NCKIPSD: variants seen among roughly 807,000 people sequenced by gnomAD.
NCKIPSD encodes NCK interacting protein with SH3 domain.
Under a neutral mutation model 73.4 loss-of-function variants are expected in NCKIPSD, and 48 were observed. The ratio of observed to expected loss-of-function variants is 0.65; its 90% CI spans 0.52 to 0.83. The LOEUF (loss-of-function observed/expected upper bound fraction) is 0.83. Ranked by LOEUF, NCKIPSD falls within the 40% of genes least tolerant of loss-of-function variation. NCKIPSD has a pLI of 0.00. For synonymous variants in NCKIPSD, 422 were observed against 403.6 expected, an observed-to-expected ratio of 1.05 and a Z score of -0.54; for missense variants, 884 against 970.2, an observed-to-expected ratio of 0.91 and a Z score of 1.18.
chr3:48,682,261 C>T lies in NCKIPSD; in HGVS notation c.486+87G>A, dbSNP rs1378440008. 4.4e-6 allele frequency: 7 copies of T among 1,581,538 alleles called. No homozygotes were observed. In the African/African-American group the frequency reaches 8.1e-5, roughly 18 times the overall value. ...TGGGCAGGACTATGGCTCTGGGCCGCATCACTCCTGAGTGGACCCCTTGAG... is the reference window on the plus strand; with the variant it reads ...TGGGCAGGACTATGGCTCTGGGCCGTATCACTCCTGAGTGGACCCCTTGAG... On this transcript the variant is annotated intron_variant, in intron 3 of 12. Transcript: ENST00000294129.
chr3:48,677,279 T>C (rs940575272), intron 12 of NCKIPSD, among the ~76,000 whole-genome samples: 4 of 151,682 alleles, frequency 2.6e-5, no homozygotes, highest in African/African-American at 7.3e-5. Flanking sequence ...TCCCAGCAAC[T>C]TGGGAGGCTG....
At chr3:48,680,779 C>T (rs577646809) in intron 5 of NCKIPSD, among the ~76,000 whole-genome samples, 2 of 152,250 alleles carry the variant, frequency 1.3e-5, no homozygotes, top group African/African-American at 4.8e-5. Flanking sequence ...AAGGATCCCA[C>T]CCATCCCATG....
Position 48,674,441 on chromosome 3 carries a change from C to T in NCKIPSD, c.*103G>A. 1 of 1,486,390 alleles carries T rather than the reference C, an allele frequency of 6.7e-7. No homozygotes were observed. The highest frequency in any genetic ancestry group is 9.0e-7 in the Non-Finnish European group (1 of 1,117,286). The allele number at this position is 1,486,390 out of a possible 1,614,324, so 92.1% of individuals were successfully genotyped here. On this transcript the variant is annotated 3_prime_UTR_variant, in exon 13 of 13. Transcript: ENST00000294129. ...GGGGTCCTGCTCAGGTTCCTTCTGC[C>T]ACCTTATCCCCTCCCACTGTCAGTG...
chr3:48,679,309 C>A (rs2077307979), intron 9 of NCKIPSD, 68 bp downstream of exon 9: 1 of 1,589,836 alleles, frequency 6.3e-7, no homozygotes, highest in Non-Finnish European at 8.6e-7. Flanking sequence ...GTCAGCAGGT[C>A]CCAGGCCCTC....
Position 48,673,915 on chromosome 3 carries a change from C to A in NCKIPSD, c.*629G>T. The A allele has an allele frequency of 5.7e-6, 6 of 1,060,808 alleles. No individual in the cohort carries two copies. The highest frequency in any genetic ancestry group is 5.7e-6 in the Non-Finnish European group (5 of 876,212). 65.7% of individuals were successfully genotyped at this position (1,060,808 alleles called of 1,614,324 possible). A position where few individuals can be genotyped will look rare whatever the true frequency, so the allele number is the denominator to read the frequency against. ...AGGAAAATACACATGGCTTTTCAGT[C>A]TACATTTTTACAGAGAAAAGAGATT... On this transcript the variant is annotated 3_prime_UTR_variant, in exon 13 of 13. Transcript: ENST00000294129.
intron 2 of NCKIPSD, 96 bp from the exon 3 acceptor site, chr3:48,682,648 C>G: frequency 7.2e-7 from 1 of 1,387,992 alleles, no homozygotes; most frequent in Non-Finnish European, 1.0e-6. Context: ...TAGCCCAGGC[C>G]CCTCAGACAT....
rs759344393 is a variant in NCKIPSD, at chr3:48,682,041, T to C, written c.598+4A>G. 6.2e-7 allele frequency: 1 copy of C among 1,600,148 alleles called. No homozygotes were observed. The highest frequency in any genetic ancestry group is 8.5e-7 in the Non-Finnish European group (1 of 1,179,584). On this transcript the variant is annotated splice_donor_region_variant and intron_variant, in intron 4 of 12. Transcript: ENST00000294129. ...CCTGAATTCCCCTAACCCTGCCTTC[T>C]TACCACTCCCAGAGGCCATCAGGGC...
intron 5 of NCKIPSD, among the ~76,000 whole-genome samples, 193 bp from the exon 6 acceptor site, chr3:48,680,422 T>C (rs2077332125): frequency 6.6e-6 from 1 of 152,182 alleles, no homozygotes; most frequent in Non-Finnish European, 1.5e-5. Context: ...GAGACTCATC[T>C]GTAGGGGGTT....
In NCKIPSD at chr3:48,681,586, C is replaced by G; in HGVS notation, c.793G>C (p.Ala265Pro). The part of the protein sequence containing the change: ...VSQVQPPPSK[A>P]SAPEPPAEEE... ...TCTGCAGGGGGTTCAGGTGCTGATG[C>G]CTTGGAGGGAGGGGGCTGGACTTGG... Residue 265 changes from alanine (A) to proline (P), a missense_variant, in exon 5 of 13, where the codon GCA (alanine) becomes CCA (proline). By Grantham distance (27) the Ala-to-Pro change is conservative. Transcript: ENST00000294129. The G allele has an allele frequency of 6.2e-7, 1 of 1,613,932 alleles. No individual in the cohort carries two copies. Among genetic ancestry groups the G allele is most frequent in the East Asian group, 2.2e-5 (1 of 44,886 alleles).
Position 48,674,376 on chromosome 3 carries a change from A to C in NCKIPSD, c.*168T>G. 6.9e-7 allele frequency: 1 copy of C among 1,449,486 alleles called. No homozygotes were observed. The highest frequency in any genetic ancestry group is 9.1e-7 in the Non-Finnish European group (1 of 1,103,264). 89.8% of individuals were successfully genotyped at this position (1,449,486 alleles called of 1,614,324 possible). A position where few individuals can be genotyped will look rare whatever the true frequency, so the allele number is the denominator to read the frequency against. On this transcript the variant is annotated 3_prime_UTR_variant, in exon 13 of 13. Coordinates refer to ENST00000294129, the MANE Select transcript of NCKIPSD (RefSeq NM_016453.4). Reference sequence around the variant, plus strand: ...AACAGCTCCCAGACCATGGTCCCCAATCCTACACTTGGCCCCTCTCTTAAG... The same window carrying C: ...AACAGCTCCCAGACCATGGTCCCCACTCCTACACTTGGCCCCTCTCTTAAG...
intron 1 of NCKIPSD, 101 bp from the exon 2 acceptor site, chr3:48,683,113 C>A: frequency 6.5e-7 from 1 of 1,531,022 alleles, no homozygotes; most frequent in Non-Finnish European, 8.8e-7. Flanking sequence ...ACCAATATAG[C>A]GAAAGCCTGG....
At position 48,673,926 on chromosome 3, in the gene NCKIPSD, C is replaced by T. The variant is rs1369877303; in HGVS notation, c.*618G>A. 3.2e-5 allele frequency: 34 copies of T among 1,062,124 alleles called. No homozygotes were observed. The highest frequency in any genetic ancestry group is 3.8e-5 in the Non-Finnish European group (33 of 877,130). The allele number at this position is 1,062,124 out of a possible 1,614,324, so 65.8% of individuals were successfully genotyped here. On this transcript the variant is annotated 3_prime_UTR_variant, in exon 13 of 13. Coordinates refer to ENST00000294129, the MANE Select transcript of NCKIPSD (RefSeq NM_016453.4). ...CATGGCTTTTCAGTCTACATTTTTA[C>T]AGAGAAAAGAGATTCGGTCATTGGC...
chr3:48,674,208 T>G lies in NCKIPSD; in HGVS notation c.*336A>C, dbSNP rs953965121. 4.1e-6 allele frequency: 5 copies of G among 1,215,376 alleles called. No homozygotes were observed. Among genetic ancestry groups the G allele is most frequent in the South Asian group, 2.3e-5 (1 of 43,828 alleles). The allele number at this position is 1,215,376 out of a possible 1,614,324, so 75.3% of individuals were successfully genotyped here. On this transcript the variant is annotated 3_prime_UTR_variant, in exon 13 of 13. Transcript: ENST00000294129. ...GGCCCAGGATACAGACCAGGAGGGG[T>G]GGGGATGGGGGTCTGGTCCAGCCTG...
chr3:48,678,485 CCACT>C (rs2077289537), intron 12 of NCKIPSD, 75 bp downstream of exon 12: 13 of 1,484,848 alleles, frequency 8.8e-6, no homozygotes, highest in Non-Finnish European at 9.0e-6. Context: ...CCCCTCATCT[CCACT>C]CAATGTCATG....
At chr3:48,674,870 C>G in intron 12 of NCKIPSD, 123 bp from the exon 13 acceptor site, 1 of 922,156 alleles carries the variant, frequency 1.1e-6, no homozygotes, top group Non-Finnish European at 1.7e-6. Flanking sequence ...GGGCTGCATC[C>G]CCAGCACCCA....
intron 4 of NCKIPSD, 112 bp downstream of exon 4, chr3:48,681,933 G>C: frequency 6.8e-7 from 1 of 1,471,808 alleles, no homozygotes; most frequent in Non-Finnish European, 9.1e-7. Flanking sequence ...CCCCAAAATG[G>C]GAGTCCTGTC....
chr3:48,675,506 T>TAGATCATATATATAG (rs2077237284), intron 12 of NCKIPSD, among the ~76,000 whole-genome samples: 1 of 118,972 alleles, frequency 8.4e-6, no homozygotes, highest in Non-Finnish European at 1.6e-5. Flanking sequence ...TATATATATA[T>TAGATCATATATATAG]ATCATATATA....
Position 48,682,034 on chromosome 3 carries a change from T to A in NCKIPSD, c.598+11A>T. ...GCCTCCACCTGAATTCCCCTAACCC[T>A]GCCTTCTTACCACTCCCAGAGGCCA... On this transcript the variant is annotated intron_variant, in intron 4 of 12. Transcript: ENST00000294129. 1 of 1,599,098 alleles carries A rather than the reference T, an allele frequency of 6.3e-7. No homozygotes were observed. Among genetic ancestry groups the A allele is most frequent in the Non-Finnish European group, 8.5e-7 (1 of 1,179,176 alleles).
chr3:48,681,365 T>C lies in NCKIPSD; in HGVS notation c.1014A>G (p.Ile338Met). ...HELCRVAIGI[I>M]VGHIQASVPA... ...GCACCGAGGCCTGGATGTGACCCAC[T>C]ATGATGCCGATGGCCACCCGGCATA... is the stretch of plus-strand genomic sequence containing the variant. Residue 338 changes from isoleucine (I) to methionine (M), a missense_variant, in exon 5 of 13, where the codon ATA becomes ATG. By Grantham distance (10) the Ile-to-Met change is conservative. Coordinates refer to ENST00000294129, the MANE Select transcript of NCKIPSD (RefSeq NM_016453.4). 1.2e-6 allele frequency: 2 copies of C among 1,611,878 alleles called. No individual in the cohort carries two copies. The highest frequency in any genetic ancestry group is 1.7e-6 in the Non-Finnish European group (2 of 1,179,024).
Sources: gnomAD v4.1 joint callset for allele counts (sites outside exome capture counted in the v4.1 genomes callset) on GRCh38, gnomAD v4.1.1 for gene constraint, MANE v1.5 for transcripts, NCBI Gene and HGNC (gene_info 2026-07-23, HGNC 2026-07-21) for gene names.